Variants in MAIP1 observed in about 807,000 individuals in gnomAD.
MAIP1 encodes the protein m-AAA protease-interacting protein 1, mitochondrial.
A neutral mutation model predicts 31.2 loss-of-function variants in MAIP1; 28 were observed. The ratio of observed to expected loss-of-function variants is 0.90; its 90% CI spans 0.67 to 1.23. The LOEUF is 1.23. MAIP1 is among the 50% of genes most tolerant of loss of function. The pLI is 0.00. For synonymous variants in MAIP1, 142 were observed against 142.3 expected (o/e 1.00, Z 0.02); for missense variants, 339 against 356.0 (o/e 0.95, Z 0.38).
chr2:199,963,041 CTCT>C (rs1227619462), intron 4 of MAIP1, among the ~76,000 whole-genome samples: 1 of 150,396 alleles, frequency 6.6e-6, no homozygotes, highest in East Asian at 1.9e-4. Flanking sequence ...TTTTTTTTTG[CTCT>C]TCTTAAAAGA....
At position 199,955,927 on chromosome 2, in the gene MAIP1, C is replaced by A; in HGVS notation, c.129C>A (p.Cys43Ter). 2 of 1,599,402 alleles carry A rather than the reference C, an allele frequency of 1.3e-6. No individual in the cohort carries two copies. The highest frequency in any genetic ancestry group is 1.1e-5 in the South Asian group (1 of 89,342). Residue 43 changes from cysteine to a stop codon, truncating the protein, a stop_gained, in exon 1 of 5, where the codon TGC (cysteine) becomes TGA (stop). Coordinates refer to ENST00000392290, the MANE Select transcript of MAIP1 (RefSeq NM_001394955.1). LOFTEE classifies it high-confidence loss of function. ...CGTCGGCCACACTTTGCTACTTCTG[C>A]CGCTGTCGCCTCGGCTTGGGAGCGG... The part of the protein sequence containing the change: ...RLPSATLCYF[C>*]RCRLGLGAAL...
upstream of MAIP1, chr2:199,955,446 G>A: frequency 6.2e-7 from 1 of 1,613,880 alleles, no homozygotes; most frequent in Non-Finnish European, 8.5e-7. Context: ...TCCAGCCGGG[G>A]TACCGGGAGG....
In MAIP1 at chr2:199,956,101, G is replaced by A. The variant is rs1447944443; in HGVS notation, c.303G>A (p.Lys101=). The change falls in exon 1 of 5, where the codon AAG becomes AAA. Residue 101 remains lysine, a synonymous_variant. Transcript: ENST00000392290. ...CPQRSYSTEE[K]PQQHQKTKMI... ...AGCGCAGCTACAGCACGGAGGAGAAGCCCCAGCAGCACCAGAAAACCAAGA... is the reference window on the plus strand; with the variant it reads ...AGCGCAGCTACAGCACGGAGGAGAAACCCCAGCAGCACCAGAAAACCAAGA... The A allele has an allele frequency of 6.2e-7, 1 of 1,614,068 alleles. No individual in the cohort carries two copies. The highest frequency in any genetic ancestry group is 1.3e-5 in the African/African-American group (1 of 74,930).
chr2:199,960,608 G>C (rs1272077454), intron 3 of MAIP1, among the ~76,000 whole-genome samples: 2 of 152,066 alleles, frequency 1.3e-5, no homozygotes, highest in East Asian at 3.8e-4. Flanking sequence ...ATTTACATTA[G>C]CATTTACATT....
rs1314466894 is a variant in MAIP1 at position 199,956,151 on chromosome 2, C to G, written c.353C>G (p.Pro118Arg). 16 of 1,614,096 alleles carry G rather than the reference C, an allele frequency of 9.9e-6. No homozygotes were observed. In the Admixed American group the frequency reaches 1.0e-4, roughly 10 times the overall value. Reference sequence around the variant, plus strand: ...ATGATCGTCCTGGGATTCTCCAACCCCATCAACTGGGTTAGGACTCGAATT... The same window carrying G: ...ATGATCGTCCTGGGATTCTCCAACCGCATCAACTGGGTTAGGACTCGAATT... ...TKMIVLGFSN[P>R]INWVRTRIKA... Residue 118 changes from proline to arginine, a missense_variant, in exon 1 of 5, where the codon CCC (proline) becomes CGC (arginine). Transcript: ENST00000392290.
chr2:199,955,694 G>C lies in MAIP1; in HGVS notation c.-105G>C. 1 of 1,225,200 alleles carries C rather than the reference G, an allele frequency of 8.2e-7. No homozygotes were observed. The highest frequency in any genetic ancestry group is 1.1e-6 in the Non-Finnish European group (1 of 890,940). 75.9% of individuals were successfully genotyped at this position (1,225,200 alleles called of 1,614,324 possible). ...GACTCACCAGAGGCTGCAGCAACAG[G>C]TCCACTTTGCTCTCCAGTCTCTTTC... On this transcript the variant is annotated 5_prime_UTR_variant, in exon 1 of 5. Transcript: ENST00000392290.
chr2:199,959,124 G>A (rs2077622954), intron 1 of MAIP1, 144 bp from the exon 2 acceptor site: 5 of 573,382 alleles, frequency 8.7e-6, no homozygotes, highest in East Asian at 2.9e-5. Flanking sequence ...TCAACCAAGA[G>A]TCATGCCTTG....
intron 1 of MAIP1, among the ~76,000 whole-genome samples, chr2:199,958,586 C>T (rs1175368981): frequency 6.6e-6 from 1 of 152,174 alleles, no homozygotes; most frequent in South Asian, 2.1e-4. Flanking sequence ...TCATCCTGTT[C>T]TTATCCCTGT....
Position 199,956,244 on chromosome 2 carries a change from A to T in MAIP1, c.446A>T (p.Lys149Met). ...ATCACAGAGTTCTCCGAGGGAGCGA[A>T]GCAGGTTTGTTTATTTCCCTGATTG... ...FSITEFSEGA[K>M]QAFAHVSKLL... Residue 149 changes from lysine to methionine, a missense_variant, in exon 1 of 5, where the codon AAG becomes ATG. Physicochemically the swap from Lys to Met is moderately conservative, Grantham distance 95. Coordinates refer to ENST00000392290, the MANE Select transcript of MAIP1 (RefSeq NM_001394955.1). 6.2e-7 allele frequency: 1 copy of T among 1,609,032 alleles called. No homozygotes were observed.
At chr2:199,959,929 A>G (rs750926333) in intron 3 of MAIP1, 49 bp downstream of exon 3, 38 of 1,553,758 alleles carry the variant, frequency 2.4e-5, no homozygotes, top group Non-Finnish European at 3.2e-5. Context: ...TTGTCCAGAT[A>G]AGCTAAACTA....
chr2:199,957,036 A>C (rs1193450923), intron 1 of MAIP1, among the ~76,000 whole-genome samples: 1 of 112,116 alleles, frequency 8.9e-6, no homozygotes, highest in Non-Finnish European at 1.7e-5. Context: ...TTGTGGGTAC[A>C]TGCTTTTTTT....
intron 1 of MAIP1, among the ~76,000 whole-genome samples, chr2:199,956,924 C>T (rs1255693482): frequency 6.6e-6 from 1 of 152,186 alleles, no homozygotes. Context: ...AGATTCTTAT[C>T]CCTGACTTTG....
At chr2:199,956,278 G>C (rs1347650050) in intron 1 of MAIP1, 30 bp downstream of exon 1, 1 of 1,530,878 alleles carries the variant, frequency 6.5e-7, no homozygotes, top group Non-Finnish European at 9.0e-7. Flanking sequence ...TGACCTATCC[G>C]TCTCTAATGA....
chr2:199,955,692 A>G lies in MAIP1; in HGVS notation c.-107A>G. 8.3e-7 allele frequency: 1 copy of G among 1,207,314 alleles called. No individual in the cohort carries two copies. The highest frequency in any genetic ancestry group is 1.1e-6 in the Non-Finnish European group (1 of 875,304). The allele number at this position is 1,207,314 out of a possible 1,614,324, so 74.8% of individuals were successfully genotyped here. A position where few individuals can be genotyped will look rare whatever the true frequency, so the allele number is the denominator to read the frequency against. On this transcript the variant is annotated 5_prime_UTR_variant, in exon 1 of 5. Transcript: ENST00000392290. ...CCGACTCACCAGAGGCTGCAGCAAC[A>G]GGTCCACTTTGCTCTCCAGTCTCTT...
upstream of MAIP1, chr2:199,955,539 G>A: frequency 1.3e-6 from 2 of 1,557,096 alleles, no homozygotes; most frequent in South Asian, 2.3e-5. Flanking sequence ...AGCGCCATCC[G>A]CCCGGAAACA....
chr2:199,957,387 G>A (rs927964396), intron 1 of MAIP1, among the ~76,000 whole-genome samples: 3 of 152,120 alleles, frequency 2.0e-5, no homozygotes, highest in African/African-American at 4.8e-5. Flanking sequence ...GCGAGACTCC[G>A]TCTCAAAAAA....
intron 3 of MAIP1, among the ~76,000 whole-genome samples, chr2:199,960,474 G>T (rs1232681262): frequency 6.6e-6 from 1 of 151,936 alleles, no homozygotes; most frequent in African/African-American, 2.4e-5. Flanking sequence ...GTATCTGGGG[G>T]TTTCGCATCC....
intron 1 of MAIP1, among the ~76,000 whole-genome samples, chr2:199,957,488 A>G (rs2105724378): frequency 1.3e-5 from 2 of 152,346 alleles, no homozygotes; most frequent in Middle Eastern, 6.8e-3. Context: ...TATTGGTGTA[A>G]TCATTTTACA....
intron 3 of MAIP1, among the ~76,000 whole-genome samples, chr2:199,960,236 T>C (rs1165066229): frequency 6.6e-6 from 1 of 152,194 alleles, no homozygotes; most frequent in Non-Finnish European, 1.5e-5. Context: ...CTGCACTTTA[T>C]ATGGAAGGAA....
Sources: gnomAD v4.1 joint callset for allele counts (sites outside exome capture counted in the v4.1 genomes callset) on GRCh38, gnomAD v4.1.1 for gene constraint, MANE v1.5 for transcripts, NCBI Gene and HGNC (gene_info 2026-07-23, HGNC 2026-07-21) for gene names.